KANSL1: variants seen among roughly 807,000 people sequenced by gnomAD.
KANSL1 encodes KAT8 regulatory NSL complex subunit 1, also known as MLL1/MLL complex subunit KANSL1.
KANSL1 carries 22 observed loss-of-function variants against 103.6 expected under a neutral mutation model. The ratio of observed to expected loss-of-function variants is 0.21; its 90% CI spans 0.15 to 0.30. The LOEUF (loss-of-function observed/expected upper bound fraction) is 0.30, where lower values mean the gene tolerates loss of function less well. Among genes scored for constraint, KANSL1 ranks in the 10% least tolerant of loss-of-function variants. The probability of loss-of-function intolerance (pLI) is 1.00; values close to 1 mark genes in which losing one functional copy is unlikely to be tolerated. For synonymous variants in KANSL1, 600 were observed against 527.6 expected, an observed-to-expected ratio of 1.14 and a Z score of -1.88; for missense variants, 1,337 against 1,399.8, an observed-to-expected ratio of 0.96 and a Z score of 0.72.
chr17:46,084,225 T>C (rs1568429016), intron 3 of KANSL1, among the ~76,000 whole-genome samples: 1 of 150,786 alleles, frequency 6.6e-6, no homozygotes. Context: ...TTACTAAAAA[T>C]ACAAAAATTG....
intron 3 of KANSL1, 34 bp from the exon 4 acceptor site, chr17:46,082,576 G>A: frequency 7.8e-7 from 1 of 1,275,648 alleles, no homozygotes; most frequent in Non-Finnish European, 1.1e-6. Context: ...TAGCATAAGT[G>A]AGCAGTATAA....
chr17:46,034,024 T>C (rs117518344), intron 11 of KANSL1, 137 bp downstream of exon 11: 8 of 1,102,880 alleles, frequency 7.3e-6, no homozygotes, highest in Non-Finnish European at 1.0e-5. Context: ...AATAATTTCG[T>C]TCTTATCAGA....
intron 13 of KANSL1, chr17:46,032,586 T>C (rs962497763): frequency 1.8e-5 from 7 of 395,158 alleles, no homozygotes; most frequent in Admixed American, 7.9e-5. Flanking sequence ...TTGAAAACTG[T>C]AGTCAAAGAA....
chr17:46,186,437 G>A (rs1327998356), intron 1 of KANSL1, among the ~76,000 whole-genome samples: 1 of 151,676 alleles, frequency 6.6e-6, no homozygotes, highest in Non-Finnish European at 1.5e-5. Context: ...GAGGGTCCAT[G>A]GCCAAATTCC....
chr17:46,122,671 G>A lies in KANSL1; in HGVS notation c.1290-27970C>T, dbSNP rs148876458. ...CCCTGCATCAAGCAAGTCTATTAGC[G>A]TCATTCTTCCAACAGCGTGCACTCA... On this transcript the variant is annotated intron_variant, in intron 2 of 14. Transcript: ENST00000432791. Among the ~76,000 whole-genome samples the A allele has an allele frequency of 4.4e-3, 670 of 152,292 alleles. 4 individuals are homozygous for A. The highest frequency in any genetic ancestry group is 0.015 in the African/African-American group (640 of 41,550).
At chr17:46,134,667 C>A (rs2044032400) in intron 2 of KANSL1, among the ~76,000 whole-genome samples, 1 of 151,968 alleles carries the variant, frequency 6.6e-6, no homozygotes, top group Admixed American at 6.6e-5. Flanking sequence ...TGGCGAAACC[C>A]CACCTCTACC....
intron 2 of KANSL1, among the ~76,000 whole-genome samples, chr17:46,126,150 G>A (rs899583500): frequency 6.6e-5 from 10 of 152,138 alleles, no homozygotes; most frequent in Non-Finnish European, 1.2e-4. Context: ...CCTCAATAAA[G>A]CTGCTGAAAA....
intron 10 of KANSL1, chr17:46,037,602 C>G (rs572047890): frequency 5.0e-4 from 76 of 152,328 alleles, no homozygotes; most frequent in African/African-American, 1.7e-3. Context: ...ATAACCCTCA[C>G]AAGTTGCCTT....
chr17:46,077,346 C>A (rs544191389), intron 4 of KANSL1, among the ~76,000 whole-genome samples: 3 of 152,148 alleles, frequency 2.0e-5, no homozygotes, highest in Non-Finnish European at 4.4e-5. Flanking sequence ...AGCCACTGTG[C>A]CCAGCTTACA....
rs2046314183 is a variant in KANSL1, at chr17:46,172,008, C to A, written c.136G>T (p.Ala46Ser). 6.2e-7 allele frequency: 1 copy of A among 1,614,238 alleles called. No homozygotes were observed. The highest frequency in any genetic ancestry group is 8.5e-7 in the Non-Finnish European group (1 of 1,180,038). Residue 46 changes from alanine (A) to serine (S), a missense_variant, in exon 2 of 15, where the codon GCC becomes TCC. By Grantham distance (99) the Ala-to-Ser change is moderately conservative. Coordinates refer to ENST00000432791, the MANE Select transcript of KANSL1 (RefSeq NM_015443.4). ...ATGGCTTTTCTTTTGGTTCCGTTGG[C>A]AGCAATAAGGATGTTGGCGTTGCCG... The part of the protein sequence containing the change: ...NNGNANILIA[A>S]NGTKRKAIAA...
chr17:46,175,129 A>G (rs754263624), intron 1 of KANSL1, among the ~76,000 whole-genome samples: 14 of 152,198 alleles, frequency 9.2e-5, no homozygotes, highest in Non-Finnish European at 1.9e-4. Flanking sequence ...TCTCCAATTT[A>G]ATCAAAAATG....
intron 2 of KANSL1, among the ~76,000 whole-genome samples, chr17:46,165,207 AG>A (rs1260293427): frequency 6.6e-6 from 1 of 152,206 alleles, no homozygotes; most frequent in Non-Finnish European, 1.5e-5. Context: ...AATAAATTCA[AG>A]TAAGAGTTAC....
At chr17:46,163,344 T>G (rs780515288) in intron 2 of KANSL1, among the ~76,000 whole-genome samples, 6 of 152,226 alleles carry the variant, frequency 3.9e-5, no homozygotes, top group Non-Finnish European at 7.3e-5. Flanking sequence ...AGAAGATTAT[T>G]TGGAAGCTTA....
intron 6 of KANSL1, among the ~76,000 whole-genome samples, chr17:46,062,719 C>T (rs140540262): frequency 2.0e-5 from 3 of 151,976 alleles, no homozygotes; most frequent in African/African-American, 4.8e-5. Flanking sequence ...AAGATATATT[C>T]CAGCCATAAT....
At chr17:46,160,890 C>T (rs1330346163) in intron 2 of KANSL1, among the ~76,000 whole-genome samples, 1 of 152,170 alleles carries the variant, frequency 6.6e-6, no homozygotes, top group African/African-American at 2.4e-5. Flanking sequence ...AGATTATTAT[C>T]TTGATCTCTT....
At position 46,032,240 on chromosome 17, in the gene KANSL1, G is replaced by A. The variant is rs763252158; in HGVS notation, c.2897C>T (p.Thr966Ile). Residue 966 changes from threonine to isoleucine, a missense_variant, in exon 14 of 15, where the codon ACC (threonine) becomes ATC (isoleucine). By Grantham distance (89) the Thr-to-Ile change is moderately conservative. Around this residue, in one of 2 missense-constraint regions of KANSL1, gnomAD observed 780 missense variants for 923.4 expected, o/e 0.84. Coordinates refer to ENST00000432791, the MANE Select transcript of KANSL1 (RefSeq NM_015443.4). ...GACATCAGGGGAGGCAGGCTGGGGG[G>A]TGGAGGGGTTGGCACTGCCCAGCTG... ...TPQLGSANPSTPQPASPDVSS... is the reference protein window; with the variant it reads ...TPQLGSANPSIPQPASPDVSS... 21 of 1,572,864 alleles carry A rather than the reference G, an allele frequency of 1.3e-5. No homozygotes were observed. Among genetic ancestry groups the A allele is most frequent in the East Asian group, 6.8e-5 (3 of 44,430 alleles).
intron 2 of KANSL1, among the ~76,000 whole-genome samples, chr17:46,159,746 G>C (rs2045632061): frequency 6.6e-6 from 1 of 152,230 alleles, no homozygotes; most frequent in African/African-American, 2.4e-5. Context: ...ATAGTTGTTT[G>C]GGGCTTTTCC....
At chr17:46,098,367 C>T (rs2146983174) in intron 2 of KANSL1, among the ~76,000 whole-genome samples, 1 of 152,332 alleles carries the variant, frequency 6.6e-6, no homozygotes, top group South Asian at 2.1e-4. Context: ...CTGCTCTTCC[C>T]AACACCAGTC....
chr17:46,050,426 G>A, intron 7 of KANSL1, 107 bp downstream of exon 7: 1 of 1,161,678 alleles, frequency 8.6e-7, no homozygotes, highest in Non-Finnish European at 1.2e-6. Flanking sequence ...GACGAAAGTT[G>A]TACCTTGAAA....
Sources: allele counts gnomAD v4.1 joint callset (sites outside exome capture counted in the v4.1 genomes callset), GRCh38; gene constraint gnomAD v4.1.1; regional missense constraint gnomAD v4.1.1; transcripts MANE v1.5; gene names NCBI Gene and HGNC (gene_info 2026-07-23, HGNC 2026-07-21).